The following PRKN variants were observed in gnomAD, a reference collection of about 807,000 sequenced individuals.
PRKN encodes the protein parkin RBR E3 ubiquitin protein ligase.
In PRKN, 56 loss-of-function variants were observed where a neutral mutation model predicts 59.5. That is an observed-to-expected ratio of 0.94 (90% CI 0.76 to 1.18). The LOEUF is 1.18. Ranked by LOEUF, PRKN falls within the 50% of genes most tolerant of loss-of-function variation. The pLI is 0.00. For synonymous variants in PRKN, 250 were observed against 222.1 expected, an observed-to-expected ratio of 1.13 and a Z score of -1.12; for missense variants, 657 against 596.4, an observed-to-expected ratio of 1.10 and a Z score of -1.06.
At chr6:162,164,802 T>C (rs1452960872) in intron 4 of PRKN, among the ~76,000 whole-genome samples, 1 of 148,898 alleles carries the variant, frequency 6.7e-6, no homozygotes, top group Non-Finnish European at 1.5e-5. Context: ...TAAAATTTTC[T>C]ACCAAGTTTA....
chr6:161,768,931 C>T (rs1789544504), intron 7 of PRKN, among the ~76,000 whole-genome samples: 1 of 152,186 alleles, frequency 6.6e-6, no homozygotes, highest in African/African-American at 2.4e-5. Flanking sequence ...TATACTCCTA[C>T]ATATACCTCT....
At position 162,078,786 on chromosome 6, in the gene PRKN, G is replaced by A. The variant is rs75398739; in HGVS notation, c.535-24612C>T. Among the ~76,000 whole-genome samples the A allele has an allele frequency of 8.0e-3, 1,221 of 151,986 alleles. 40 individuals are homozygous for A. The highest frequency in any genetic ancestry group is 0.056 in the Admixed American group (857 of 15,258). ...TAAAGGCTTTCTGTTCTCCTGGTGT[G>A]AATAAGATAGGGACATCACAACTCG... On this transcript the variant is annotated intron_variant, in intron 4 of 11. Transcript: ENST00000366898.
intron 7 of PRKN, among the ~76,000 whole-genome samples, chr6:161,692,542 ATACAGTTTTAGAAGTAAAAGCTTTCATCT>A (rs1256891473): frequency 6.6e-6 from 1 of 152,196 alleles, no homozygotes; most frequent in Non-Finnish European, 1.5e-5. Flanking sequence ...GAAACTGTAA[ATACAGTTTTAGAAGTAAAAGCTTTCATCT>A]TAATGACTAT....
intron 3 of PRKN, among the ~76,000 whole-genome samples, chr6:162,258,020 T>C (rs1192803117): frequency 6.6e-6 from 1 of 152,180 alleles, no homozygotes; most frequent in Non-Finnish European, 1.5e-5. Flanking sequence ...TGCTGCGTTT[T>C]CTGGGCGGGG....
chr6:162,338,259 C>T (rs1280486581), intron 2 of PRKN, among the ~76,000 whole-genome samples: 1 of 151,522 alleles, frequency 6.6e-6, no homozygotes, highest in Admixed American at 6.6e-5. Context: ...CTCCCTCTCC[C>T]TCTCCCTCTC....
chr6:161,554,977 A>C lies in PRKN; in HGVS notation c.934-5974T>G, dbSNP rs1780181589. On this transcript the variant is annotated intron_variant, in intron 8 of 11. Coordinates refer to ENST00000366898, the MANE Select transcript of PRKN (RefSeq NM_004562.3). This position sits in a 1 kb window ranked among gnomAD's most constrained non-coding sequence, Gnocchi z 4.5. ...CTTGGTGCTGGTCATTTCTGGATCAATTTTCACAAGCATACTGTGTCAGGA... is the reference window on the plus strand; with the variant it reads ...CTTGGTGCTGGTCATTTCTGGATCACTTTTCACAAGCATACTGTGTCAGGA... Among the ~76,000 whole-genome samples, 1 of 152,086 alleles carries C rather than the reference A, an allele frequency of 6.6e-6. No homozygotes were observed. The highest frequency in any genetic ancestry group is 2.1e-4 in the South Asian group (1 of 4,808).
chr6:161,455,328 C>T (rs1562460949), intron 9 of PRKN, among the ~76,000 whole-genome samples: 4 of 152,232 alleles, frequency 2.6e-5, no homozygotes, highest in South Asian at 4.1e-4. Context: ...TGAGCCACCA[C>T]GCCCGGCCTG....
At chr6:161,876,309 C>T (rs903855886) in intron 6 of PRKN, among the ~76,000 whole-genome samples, 7 of 151,974 alleles carry the variant, frequency 4.6e-5, no homozygotes, top group African/African-American at 1.7e-4. Context: ...ATTTTTTACT[C>T]ATCGTTACTT....
intron 5 of PRKN, among the ~76,000 whole-genome samples, chr6:161,992,102 G>T (rs1231797196): frequency 1.3e-5 from 2 of 152,174 alleles, no homozygotes; most frequent in African/African-American, 4.8e-5. Flanking sequence ...CACTTGGGAG[G>T]CCAAGGAGGG....
At chr6:162,128,895 C>T (rs1461054278) in intron 4 of PRKN, among the ~76,000 whole-genome samples, 1 of 152,190 alleles carries the variant, frequency 6.6e-6, no homozygotes, top group Non-Finnish European at 1.5e-5. Context: ...TCTTGAAGTT[C>T]CAGCCTCCAG....
At chr6:161,721,416 C>T (rs1042828391) in intron 7 of PRKN, among the ~76,000 whole-genome samples, 4 of 152,192 alleles carry the variant, frequency 2.6e-5, no homozygotes, top group African/African-American at 9.7e-5. Context: ...CATGGCTTTC[C>T]TCGTGCCTGC....
At chr6:162,686,089 T>TA (rs965221471) in intron 1 of PRKN, among the ~76,000 whole-genome samples, 17 of 151,918 alleles carry the variant, frequency 1.1e-4, no homozygotes, top group African/African-American at 3.9e-4. Flanking sequence ...TACAGCAACA[T>TA]AAAAAAAAGT....
chr6:161,365,127 G>A (rs1052424511), intron 10 of PRKN, among the ~76,000 whole-genome samples: 2 of 151,854 alleles, frequency 1.3e-5, no homozygotes, highest in African/African-American at 4.8e-5. Flanking sequence ...AAAATACAGT[G>A]GAAATGGCAA....
At chr6:161,841,971 T>C (rs182881728) in intron 6 of PRKN, among the ~76,000 whole-genome samples, 7 of 152,218 alleles carry the variant, frequency 4.6e-5, no homozygotes, top group Non-Finnish European at 8.8e-5. Context: ...CAAAACCCCA[T>C]TGCAGTAATC....
chr6:161,545,395 C>A lies in PRKN; in HGVS notation c.1083+3459G>T. ...TGAACGATGTATTGAATGAGGCACT[C>A]ACTTCTCCCTGAGGCAGCTTATTTT... On this transcript the variant is annotated intron_variant, in intron 9 of 11. Coordinates refer to ENST00000366898, the MANE Select transcript of PRKN (RefSeq NM_004562.3). This position sits in a 1 kb window ranked among gnomAD's most constrained non-coding sequence, Gnocchi z 4.1. 6.2e-7 allele frequency: 1 copy of A among 1,612,436 alleles called. No individual in the cohort carries two copies. The highest frequency in any genetic ancestry group is 8.5e-7 in the Non-Finnish European group (1 of 1,179,620).
At chr6:162,705,219 A>G (rs745728243) in intron 1 of PRKN, among the ~76,000 whole-genome samples, 2 of 152,082 alleles carry the variant, frequency 1.3e-5, no homozygotes, top group African/African-American at 4.8e-5. Context: ...CCTTTCTTAG[A>G]CTGCCTCTCC....
chr6:162,172,127 A>G lies in PRKN; in HGVS notation c.534+29004T>C, dbSNP rs1045006198. On this transcript the variant is annotated intron_variant, in intron 4 of 11. Transcript: ENST00000366898. The stretch of plus-strand genomic sequence containing the variant: ...CTAAGGACACAGAGTAAGTGATAGA[A>G]CTGAGTGCTGAGCTAGCAGTAGGCT... Among the ~76,000 whole-genome samples the G allele has an allele frequency of 2.0e-5, 3 of 152,246 alleles. No individual in the cohort carries two copies. In the South Asian group the frequency reaches 6.2e-4, roughly 31 times the overall value.
At chr6:162,546,206 C>T (rs1051047169) in intron 1 of PRKN, among the ~76,000 whole-genome samples, 1 of 146,816 alleles carries the variant, frequency 6.8e-6, no homozygotes, top group African/African-American at 2.6e-5. Context: ...TGGGTTCAAG[C>T]GATGCTCCTG....
chr6:161,883,008 G>A (rs9364619), intron 6 of PRKN, among the ~76,000 whole-genome samples: 33,810 of 143,790 alleles, frequency 0.24, 3,986 homozygotes, highest in East Asian at 0.36. Flanking sequence ...CTGACTCAAA[G>A]AAAACAAAAA....
Sources: gnomAD v4.1 joint callset for allele counts (sites outside exome capture counted in the v4.1 genomes callset) on GRCh38, gnomAD v4.1.1 for gene constraint, Gnocchi (gnomAD v3.1) non-coding constraint, MANE v1.5 for transcripts, NCBI Gene and HGNC (gene_info 2026-07-23, HGNC 2026-07-21) for gene names.